KIAA0825: variants seen among roughly 807,000 people sequenced by gnomAD.
KIAA0825 encodes uncharacterized protein KIAA0825.
KIAA0825 carries 119 observed loss-of-function variants against 147.6 expected under a neutral mutation model. The observed-to-expected ratio is 0.81, with a 90% CI of 0.69 to 0.94. KIAA0825 has a LOEUF of 0.94. KIAA0825 is among the 40% of genes least tolerant of loss of function. The pLI is 0.00. For synonymous variants in KIAA0825, 470 were observed against 518.1 expected, an observed-to-expected ratio of 0.91 and a Z score of 1.26; for missense variants, 1,381 against 1,472.7, an observed-to-expected ratio of 0.94 and a Z score of 1.02.
At chr5:94,428,149 G>C (rs1755157699) in intron 14 of KIAA0825, among the ~76,000 whole-genome samples, 2 of 58,536 alleles carry the variant, frequency 3.4e-5, no homozygotes, top group South Asian at 6.6e-4. Flanking sequence ...CTTGTTGTGT[G>C]TGTGTGTGTG....
intron 20 of KIAA0825, among the ~76,000 whole-genome samples, chr5:94,340,748 C>G (rs568853719): frequency 5.3e-5 from 8 of 152,282 alleles, no homozygotes; most frequent in African/African-American, 1.9e-4. Flanking sequence ...ACCTGTCTAA[C>G]TTGAAGTATC....
rs372036051 is a variant in KIAA0825, at chr5:94,386,248, G to C, written c.3613C>G (p.Gln1205Glu). Residue 1205 changes from glutamine (Q) to glutamate (E), a missense_variant, in exon 19 of 21, where the codon CAG becomes GAG. Physicochemically the swap from Gln to Glu is conservative, Grantham distance 29. Coordinates refer to ENST00000682413, the MANE Select transcript of KIAA0825 (RefSeq NM_001145678.3). ...YKAFSENMLD[Q>E]VSITKWNWNW... ...TTTACCATTTAATTTCCACATACCT[G>C]ATCTAGCATGTTTTCACTAAACGCC... 48 of 1,545,188 alleles carry C rather than the reference G, an allele frequency of 3.1e-5. No individual in the cohort carries two copies. In the African/African-American group the frequency reaches 6.1e-4, roughly 20 times the overall value.
At chr5:94,291,956 G>T (rs1429355520) in intron 20 of KIAA0825, among the ~76,000 whole-genome samples, 1 of 152,160 alleles carries the variant, frequency 6.6e-6, no homozygotes, top group Non-Finnish European at 1.5e-5. Context: ...TTCGCACATT[G>T]ATTTTGTATC....
At chr5:94,574,694 T>C (rs1780673023) in intron 2 of KIAA0825, among the ~76,000 whole-genome samples, 1 of 152,114 alleles carries the variant, frequency 6.6e-6, no homozygotes, top group Non-Finnish European at 1.5e-5. Flanking sequence ...CAATATATAA[T>C]TATGTCTTCA....
At chr5:94,451,863 G>C (rs1758456784) in intron 13 of KIAA0825, among the ~76,000 whole-genome samples, 1 of 152,162 alleles carries the variant, frequency 6.6e-6, no homozygotes, top group Non-Finnish European at 1.5e-5. Flanking sequence ...CTCATCAAAT[G>C]ACACAGCTTG....
At chr5:94,213,518 A>G (rs548180264) in intron 20 of KIAA0825, among the ~76,000 whole-genome samples, 162 of 152,272 alleles carry the variant, frequency 1.1e-3, no homozygotes, top group African/African-American at 3.8e-3. Flanking sequence ...ATGATTCTCC[A>G]TATATTTATC....
intron 20 of KIAA0825, among the ~76,000 whole-genome samples, chr5:94,173,001 C>T (rs1768775874): frequency 6.6e-6 from 1 of 152,044 alleles, no homozygotes; most frequent in Non-Finnish European, 1.5e-5. Flanking sequence ...CCTCATAATA[C>T]CTTGCTTTCT....
intron 20 of KIAA0825, among the ~76,000 whole-genome samples, chr5:94,241,386 G>C (rs575962674): frequency 6.6e-6 from 1 of 152,222 alleles, no homozygotes; most frequent in African/African-American, 2.4e-5. Flanking sequence ...TTCACATCAC[G>C]ACAGGATCAA....
intron 20 of KIAA0825, among the ~76,000 whole-genome samples, chr5:94,374,008 G>T (rs2150473433): frequency 6.6e-6 from 1 of 152,146 alleles, no homozygotes. Flanking sequence ...ACTCCTGGTG[G>T]AAAATATGCT....
intron 1 of KIAA0825, among the ~76,000 whole-genome samples, chr5:94,610,224 A>T (rs145735795): frequency 2.4e-3 from 359 of 151,814 alleles, no homozygotes; most frequent in African/African-American, 8.5e-3. Flanking sequence ...GTTCGAGACC[A>T]GCCTGGCCAA....
At chr5:94,330,378 T>C (rs1471744332) in intron 20 of KIAA0825, among the ~76,000 whole-genome samples, 1 of 152,178 alleles carries the variant, frequency 6.6e-6, no homozygotes, top group African/African-American at 2.4e-5. Context: ...ATATGTAACC[T>C]GATCAAAACG....
intron 19 of KIAA0825, among the ~76,000 whole-genome samples, chr5:94,385,731 G>A (rs1749050618): frequency 1.3e-5 from 2 of 152,174 alleles, no homozygotes; most frequent in Admixed American, 1.3e-4. Flanking sequence ...CCGGCTTTAA[G>A]ATCATTAACA....
intron 3 of KIAA0825, among the ~76,000 whole-genome samples, chr5:94,527,765 C>G (rs1460337164): frequency 6.6e-6 from 1 of 151,846 alleles, no homozygotes; most frequent in African/African-American, 2.4e-5. Context: ...ACAAAGAAAT[C>G]ATTGTGAGGT....
intron 20 of KIAA0825, among the ~76,000 whole-genome samples, chr5:94,324,682 T>A (rs1780513700): frequency 6.6e-6 from 1 of 151,944 alleles, no homozygotes; most frequent in Non-Finnish European, 1.5e-5. Flanking sequence ...ATGTACATGA[T>A]GTAATCAGGA....
At chr5:94,175,813 TA>T (rs1469380241) in intron 20 of KIAA0825, among the ~76,000 whole-genome samples, 1 of 152,166 alleles carries the variant, frequency 6.6e-6, no homozygotes, top group Non-Finnish European at 1.5e-5. Flanking sequence ...AGATATTTAG[TA>T]AACAAAATCA....
At chr5:94,184,241 A>G (rs1460798913) in intron 20 of KIAA0825, among the ~76,000 whole-genome samples, 1 of 152,214 alleles carries the variant, frequency 6.6e-6, no homozygotes, top group Non-Finnish European at 1.5e-5. Flanking sequence ...GTAGCATGGA[A>G]GAAAGAAATA....
At chr5:94,503,351 T>C (rs1038517299) in intron 5 of KIAA0825, among the ~76,000 whole-genome samples, 4 of 152,124 alleles carry the variant, frequency 2.6e-5, no homozygotes, top group African/African-American at 9.7e-5. Context: ...AGGAAACACA[T>C]TCAAGCTTTC....
At chr5:94,262,241 T>C (rs1776530420) in intron 20 of KIAA0825, among the ~76,000 whole-genome samples, 1 of 152,104 alleles carries the variant, frequency 6.6e-6, no homozygotes, top group East Asian at 1.9e-4. Flanking sequence ...TAAAATTAGA[T>C]ATTTTTAACC....
chr5:94,564,136 C>A (rs987432911), intron 2 of KIAA0825, among the ~76,000 whole-genome samples: 1 of 151,900 alleles, frequency 6.6e-6, no homozygotes, highest in Non-Finnish European at 1.5e-5. Flanking sequence ...GCTCTCAGAG[C>A]ACTGTTTTTC....
Sources: allele counts gnomAD v4.1 joint callset (sites outside exome capture counted in the v4.1 genomes callset), GRCh38; gene constraint gnomAD v4.1.1; transcripts MANE v1.5; gene names NCBI Gene and HGNC (gene_info 2026-07-23, HGNC 2026-07-21).